Variants in ST3GAL3 observed in about 807,000 individuals in gnomAD.
The protein encoded by ST3GAL3 is CMP-N-acetylneuraminate-beta-1,4-galactoside alpha-2,3-sialyltransferase.
A neutral mutation model predicts 50.1 loss-of-function variants in ST3GAL3; 21 were observed. That is an observed-to-expected ratio of 0.42 (90% CI 0.30 to 0.60). The LOEUF is 0.60. ST3GAL3 is among the 20% of genes least tolerant of loss of function. The pLI, the probability that ST3GAL3 is intolerant of heterozygous loss-of-function variation, is 0.19. For synonymous variants in ST3GAL3, 183 were observed against 190.0 expected (o/e 0.96, Z 0.30); for missense variants, 353 against 489.4 (o/e 0.72, Z 2.63).
chr1:43,908,355 C>T (rs80199567), intron 9 of ST3GAL3, among the ~76,000 whole-genome samples: 4,008 of 152,288 alleles, frequency 0.026, 87 homozygotes, highest in Non-Finnish European at 0.042. Flanking sequence ...ATCCCCATTT[C>T]CTAGATGCAG....
chr1:43,791,533 G>A (rs890462776), intron 2 of ST3GAL3, among the ~76,000 whole-genome samples: 3 of 152,102 alleles, frequency 2.0e-5, no homozygotes, highest in East Asian at 3.9e-4. Context: ...TTCTGCCTGC[G>A]GTGTTTGCGT....
At chr1:43,780,416 C>G (rs1025661067) in intron 2 of ST3GAL3, among the ~76,000 whole-genome samples, 4 of 152,242 alleles carry the variant, frequency 2.6e-5, no homozygotes, top group African/African-American at 9.6e-5. Flanking sequence ...GCTGGACACT[C>G]AGAGGGCCCT....
At chr1:43,720,236 A>T (rs1407603078) in intron 1 of ST3GAL3, among the ~76,000 whole-genome samples, 1 of 152,158 alleles carries the variant, frequency 6.6e-6, no homozygotes, top group Non-Finnish European at 1.5e-5. Flanking sequence ...CTCTTAAAGA[A>T]AAAAAGAATA....
chr1:43,888,338 A>AAACAAC (rs111775183), intron 5 of ST3GAL3, among the ~76,000 whole-genome samples: 6 of 152,126 alleles, frequency 3.9e-5, no homozygotes, highest in Admixed American at 2.0e-4. Flanking sequence ...ATTTGACTTA[A>AAACAAC]AACAACAACA....
chr1:43,910,878 A>C (rs145354861), intron 9 of ST3GAL3, among the ~76,000 whole-genome samples: 1 of 152,212 alleles, frequency 6.6e-6, no homozygotes, highest in Non-Finnish European at 1.5e-5. Flanking sequence ...TCTGGCCACA[A>C]CCTTTGCCGT....
chr1:43,760,101 TA>T (rs2154119919), intron 2 of ST3GAL3, among the ~76,000 whole-genome samples: 1 of 152,348 alleles, frequency 6.6e-6, no homozygotes, highest in South Asian at 2.1e-4. Context: ...GTACCATTTT[TA>T]CTTGAAAGAA....
At chr1:43,765,703 G>A (rs1418925699) in intron 2 of ST3GAL3, among the ~76,000 whole-genome samples, 1 of 151,646 alleles carries the variant, frequency 6.6e-6, no homozygotes, top group Admixed American at 6.6e-5. Context: ...GCTCTGGAAA[G>A]GCAAAAAAGG....
chr1:43,918,839 AT>A (rs2082523923), intron 9 of ST3GAL3, among the ~76,000 whole-genome samples: 2 of 151,876 alleles, frequency 1.3e-5, no homozygotes, highest in African/African-American at 4.8e-5. Context: ...TGTCTTTCCT[AT>A]TTTTTAAGTC....
chr1:43,894,208 A>C (rs2077038706), intron 5 of ST3GAL3, 175 bp from the exon 6 acceptor site: 3 of 687,706 alleles, frequency 4.4e-6, no homozygotes, highest in Non-Finnish European at 8.0e-6. Flanking sequence ...TCCACTGAAC[A>C]AGATCTGTCA....
intron 2 of ST3GAL3, among the ~76,000 whole-genome samples, chr1:43,765,470 C>T (rs1692207826): frequency 6.6e-6 from 1 of 152,196 alleles, no homozygotes; most frequent in South Asian, 2.1e-4. Flanking sequence ...TGATGTTGCT[C>T]ATACCTGTGT....
intron 4 of ST3GAL3, among the ~76,000 whole-genome samples, chr1:43,837,496 G>C (rs2064558157): frequency 6.6e-6 from 1 of 152,190 alleles, no homozygotes; most frequent in African/African-American, 2.4e-5. Flanking sequence ...AGCCTGAGTG[G>C]AGAGAATAAA....
intron 5 of ST3GAL3, among the ~76,000 whole-genome samples, chr1:43,889,037 G>A (rs1411448049): frequency 6.6e-6 from 1 of 152,104 alleles, no homozygotes; most frequent in African/African-American, 2.4e-5. Context: ...CAACCCAGGA[G>A]ATTGATTGAA....
intron 1 of ST3GAL3, among the ~76,000 whole-genome samples, chr1:43,723,477 G>T (rs1671474445): frequency 1.3e-5 from 2 of 152,274 alleles, no homozygotes; most frequent in Non-Finnish European, 2.9e-5. Flanking sequence ...GCACCCTGAA[G>T]CTCTCATCAG....
chr1:43,905,886 G>A (rs1285785036), intron 9 of ST3GAL3, among the ~76,000 whole-genome samples: 4 of 101,772 alleles, frequency 3.9e-5, no homozygotes, highest in Admixed American at 2.1e-4. Flanking sequence ...TTCCTTTCCC[G>A]CCACTTTTCT....
chr1:43,926,029 G>A (rs1341730724), intron 11 of ST3GAL3, among the ~76,000 whole-genome samples: 5 of 152,178 alleles, frequency 3.3e-5, no homozygotes, highest in Admixed American at 6.5e-5. Context: ...GATGTTGCTC[G>A]TGGTAAGGGA....
intron 2 of ST3GAL3, among the ~76,000 whole-genome samples, chr1:43,754,814 G>A (rs1265284259): frequency 6.6e-6 from 1 of 152,108 alleles, no homozygotes; most frequent in Non-Finnish European, 1.5e-5. Flanking sequence ...GCTGAGTGTA[G>A]TGGTGTGTTC....
chr1:43,746,780 T>C (rs1454117377), intron 2 of ST3GAL3, among the ~76,000 whole-genome samples: 1 of 140,430 alleles, frequency 7.1e-6, no homozygotes, highest in Non-Finnish European at 1.5e-5. Context: ...GTTTTTTTTT[T>C]TGAGACAAGT....
At chr1:43,920,284 G>A in intron 9 of ST3GAL3, 120 bp from the exon 10 acceptor site, 1 of 1,232,832 alleles carries the variant, frequency 8.1e-7, no homozygotes, top group Non-Finnish European at 1.2e-6. Context: ...ACAGGCCCTG[G>A]GTTCCCCATT....
chr1:43,897,473 A>G (rs888942388), intron 6 of ST3GAL3, among the ~76,000 whole-genome samples: 2 of 152,232 alleles, frequency 1.3e-5, no homozygotes, highest in South Asian at 2.1e-4. Context: ...TACCCTTGCT[A>G]TTCACTATAC....
Sources: allele counts gnomAD v4.1 joint callset (sites outside exome capture counted in the v4.1 genomes callset), GRCh38; gene constraint gnomAD v4.1.1; transcripts MANE v1.5; gene names NCBI Gene and HGNC (gene_info 2026-07-23, HGNC 2026-07-21).